HS3ST2: variants seen among roughly 807,000 people sequenced by gnomAD.
The protein encoded by HS3ST2 is heparan sulfate glucosamine 3-O-sulfotransferase 2.
A neutral mutation model predicts 26.3 loss-of-function variants in HS3ST2; 17 were observed. That is an observed-to-expected ratio of 0.65 (90% CI 0.44 to 0.97). The LOEUF (loss-of-function observed/expected upper bound fraction) is 0.97, where lower values mean the gene tolerates loss of function less well. Ranked by LOEUF, HS3ST2 falls within the 50% of genes least tolerant of loss-of-function variation. The pLI, the probability that HS3ST2 is intolerant of heterozygous loss-of-function variation, is 0.00. For missense variants in HS3ST2, 402 were observed against 501.2 expected, an observed-to-expected ratio of 0.80 and a Z score of 1.89; for synonymous variants, 237 against 219.2, an observed-to-expected ratio of 1.08 and a Z score of -0.72.
chr16:22,914,629 G>A lies in HS3ST2; in HGVS notation c.486-315G>A, dbSNP rs537594064. Among the ~76,000 whole-genome samples the A allele has an allele frequency of 2.5e-3, 378 of 150,170 alleles. 1 individual carries two copies. The highest frequency in any genetic ancestry group is 4.5e-3 in the Non-Finnish European group (307 of 67,686). On this transcript the variant is annotated intron_variant, in intron 1 of 1. Coordinates refer to ENST00000261374, the MANE Select transcript of HS3ST2 (RefSeq NM_006043.2). ...CTGAGATGGGAAGATGGGAAGATGG[G>A]AAGATGGGAAGATGGGAAGATAGCC...
rs1318904249 is a variant in HS3ST2 at position 22,814,838 on chromosome 16, C to T, written c.228C>T (p.Ser76=). 1.3e-6 allele frequency: 2 copies of T among 1,568,432 alleles called. No individual in the cohort carries two copies. The highest frequency in any genetic ancestry group is 1.4e-5 in the African/African-American group (1 of 73,834). The change falls in exon 1 of 2, where the codon TCC becomes TCT. Residue 76 remains serine (S), a synonymous_variant. Coordinates refer to ENST00000261374, the MANE Select transcript of HS3ST2 (RefSeq NM_006043.2). Reference sequence around the variant, plus strand: ...AGAAGTCCCGCCCCTGTGATCCCTCCGGGCCGACGCCCAGCGAGCCCAGCG... The same window carrying T: ...AGAAGTCCCGCCCCTGTGATCCCTCTGGGCCGACGCCCAGCGAGCCCAGCG... ...LLQKSRPCDP[S]GPTPSEPSAP...
Position 22,851,655 on chromosome 16 carries a change from T to C in HS3ST2, c.485+36560T>C, listed in dbSNP as rs181537029. 2.4e-4 allele frequency among the ~76,000 whole-genome samples: 36 copies of C among 152,364 alleles called. No homozygotes were observed. In the East Asian group the frequency reaches 6.2e-3, roughly 26 times the overall value. On this transcript the variant is annotated intron_variant, in intron 1 of 1. Transcript: ENST00000261374. Reference sequence around the variant, plus strand: ...CCATCTCCTAGTTGTTTATCATATTTCCTGGGTCTCCTCTAGGATAATTTA... The same window carrying C: ...CCATCTCCTAGTTGTTTATCATATTCCCTGGGTCTCCTCTAGGATAATTTA...
chr16:22,847,439 T>A (rs1901452000), intron 1 of HS3ST2, among the ~76,000 whole-genome samples: 1 of 152,134 alleles, frequency 6.6e-6, no homozygotes, highest in Non-Finnish European at 1.5e-5. Context: ...TTTAGATAAA[T>A]ATCATTTATG....
intron 1 of HS3ST2, among the ~76,000 whole-genome samples, chr16:22,827,710 C>CA (rs1479378303): frequency 9.2e-6 from 1 of 108,980 alleles, no homozygotes; most frequent in African/African-American, 3.6e-5. Flanking sequence ...TTCTTTCTTT[C>CA]TTTTTTTTTT....
intron 1 of HS3ST2, among the ~76,000 whole-genome samples, chr16:22,913,172 GAGGGAGGGAGGGCGGA>G (rs1454717092): frequency 1.3e-4 from 17 of 132,116 alleles, no homozygotes; most frequent in African/African-American, 5.1e-4. Flanking sequence ...GGGAGGGAGG[GAGGGAGGGAGGGCGGA>G]AGGAAGGAAG....
intron 1 of HS3ST2, among the ~76,000 whole-genome samples, 175 bp from the exon 2 acceptor site, chr16:22,914,769 A>C (rs1185530227): frequency 1.4e-5 from 2 of 143,826 alleles, no homozygotes; most frequent in Middle Eastern, 3.4e-3. Flanking sequence ...AAAAAAGAGA[A>C]GAAAAGAAAA....
intron 1 of HS3ST2, among the ~76,000 whole-genome samples, chr16:22,821,276 G>A (rs531223889): frequency 1.3e-4 from 20 of 151,846 alleles, no homozygotes; most frequent in African/African-American, 4.8e-4. Flanking sequence ...CATCCAAAGG[G>A]CCCTAGCGGA....
intron 1 of HS3ST2, among the ~76,000 whole-genome samples, chr16:22,835,657 A>G (rs566777210): frequency 6.6e-6 from 1 of 152,308 alleles, no homozygotes; most frequent in African/African-American, 2.4e-5. Context: ...ACCTGTTTAT[A>G]TTGAGAAGTC....
intron 1 of HS3ST2, among the ~76,000 whole-genome samples, chr16:22,912,787 A>G (rs1411885582): frequency 1.3e-5 from 2 of 152,258 alleles, no homozygotes; most frequent in East Asian, 1.9e-4. Flanking sequence ...GGTTGTTGCC[A>G]TAGAAAGGGA....
intron 1 of HS3ST2, among the ~76,000 whole-genome samples, chr16:22,914,736 C>CAAAAAAA (rs1159639879): frequency 3.9e-4 from 14 of 35,946 alleles, no homozygotes; most frequent in East Asian, 3.0e-3. Context: ...GACCTTGTCT[C>CAAAAAAA]AAAAAAAAAA....
At chr16:22,827,427 T>C (rs781566856) in intron 1 of HS3ST2, among the ~76,000 whole-genome samples, 4 of 152,238 alleles carry the variant, frequency 2.6e-5, no homozygotes, top group Admixed American at 2.0e-4. Context: ...GGCTGTTATG[T>C]AAGGCAGTAA....
Position 22,915,680 on chromosome 16 carries a change from G to A in HS3ST2, c.*118G>A, listed in dbSNP as rs1192696934. The A allele has an allele frequency of 8.8e-7, 1 of 1,135,398 alleles. No homozygotes were observed. Among genetic ancestry groups the A allele is most frequent in the African/African-American group, 1.6e-5 (1 of 63,906 alleles). 70.3% of individuals were successfully genotyped at this position (1,135,398 alleles called of 1,614,324 possible). A position where few individuals can be genotyped will look rare whatever the true frequency, so the allele number is the denominator to read the frequency against. On this transcript the variant is annotated 3_prime_UTR_variant, in exon 2 of 2. Coordinates refer to ENST00000261374, the MANE Select transcript of HS3ST2 (RefSeq NM_006043.2). The stretch of plus-strand genomic sequence containing the variant: ...TGGCTCCAGCCCCCTTTCCCAACTT[G>A]AGTTGCATCATCTTGGAACCAGGAA...
chr16:22,856,680 G>A (rs929309555), intron 1 of HS3ST2, among the ~76,000 whole-genome samples: 2 of 152,150 alleles, frequency 1.3e-5, no homozygotes, highest in African/African-American at 2.4e-5. Context: ...TGGAGGAGCA[G>A]GAGAGGCTGT....
chr16:22,835,981 T>C (rs1322338306), intron 1 of HS3ST2, among the ~76,000 whole-genome samples: 1 of 151,560 alleles, frequency 6.6e-6, no homozygotes, highest in African/African-American at 2.4e-5. Context: ...AATGGAAACA[T>C]TGATTCTTAA....
At chr16:22,910,786 G>A (rs890477287) in intron 1 of HS3ST2, among the ~76,000 whole-genome samples, 8 of 152,166 alleles carry the variant, frequency 5.3e-5, no homozygotes, top group Non-Finnish European at 1.2e-4. Context: ...GGGTGGGTTT[G>A]CAGGAAAGGT....
At chr16:22,865,049 CA>C (rs59256411) in intron 1 of HS3ST2, among the ~76,000 whole-genome samples, 6,586 of 50,032 alleles carry the variant, frequency 0.13, 253 homozygotes, top group African/African-American at 0.29. Context: ...GACCCTATCT[CA>C]AAAAAAAAAA....
chr16:22,814,697 C>A lies in HS3ST2; in HGVS notation c.87C>A (p.Ser29=), dbSNP rs774885341. Residue 29 remains serine, a synonymous_variant, in exon 1 of 2, where the codon TCC becomes TCA. Coordinates refer to ENST00000261374, the MANE Select transcript of HS3ST2 (RefSeq NM_006043.2). ...RLLFAFTLSL[S]CTYLCYSFLC... Reference sequence around the variant, plus strand: ...TCTTCGCCTTCACGCTCTCGCTCTCCTGCACTTACCTGTGTTACAGCTTCC... The same window carrying A: ...TCTTCGCCTTCACGCTCTCGCTCTCATGCACTTACCTGTGTTACAGCTTCC... The A allele has an allele frequency of 1.2e-5, 19 of 1,607,310 alleles. No homozygotes were observed. The South Asian group carries it at 2.1e-4, about 18-fold the overall frequency.
chr16:22,849,702 G>C (rs1901492838), intron 1 of HS3ST2, among the ~76,000 whole-genome samples: 1 of 152,184 alleles, frequency 6.6e-6, no homozygotes, highest in African/African-American at 2.4e-5. Flanking sequence ...TTGTCTGCCT[G>C]GAGGCAGCTT....
chr16:22,883,812 A>G (rs1902024930), intron 1 of HS3ST2, among the ~76,000 whole-genome samples: 1 of 152,246 alleles, frequency 6.6e-6, no homozygotes, highest in Non-Finnish European at 1.5e-5. Context: ...CAAGGCCAAA[A>G]TTAGGCATTC....
Sources: allele counts gnomAD v4.1 joint callset (sites outside exome capture counted in the v4.1 genomes callset), GRCh38; gene constraint gnomAD v4.1.1; transcripts MANE v1.5; gene names NCBI Gene and HGNC (gene_info 2026-07-23, HGNC 2026-07-21).